The following UBE2E1 variants were observed in gnomAD, a reference collection of about 807,000 sequenced individuals.
UBE2E1 encodes the protein ubiquitin conjugating enzyme E2 E1.
UBE2E1 carries 6 observed loss-of-function variants against 21.4 expected under a neutral mutation model. The observed-to-expected ratio is 0.28, with a 90% CI of 0.15 to 0.55. The LOEUF (loss-of-function observed/expected upper bound fraction) is 0.55. Ranked by LOEUF, UBE2E1 falls within the 20% of genes least tolerant of loss-of-function variation. The probability of loss-of-function intolerance (pLI) is 0.93; values close to 1 mark genes in which losing one functional copy is unlikely to be tolerated. For missense variants in UBE2E1, 142 were observed against 236.5 expected (o/e 0.60, Z 2.62); for synonymous variants, 87 against 82.7 (o/e 1.05, Z -0.28).
intron 3 of UBE2E1, among the ~76,000 whole-genome samples, chr3:23,833,652 C>G (rs1279785319): frequency 6.6e-6 from 1 of 152,132 alleles, no homozygotes; most frequent in African/African-American, 2.4e-5. Context: ...ATGTTGTTGT[C>G]TATGTAAAGA....
At position 23,808,165 on chromosome 3, in the gene UBE2E1, C is replaced by A. The variant is rs577144266; in HGVS notation, c.152+744C>A. The stretch of plus-strand genomic sequence containing the variant: ...TAAGTGGTCTCCCTTTTACTTTATT[C>A]TTTTCCTCTTAAGGCCCTGAAGGTA... On this transcript the variant is annotated intron_variant, in intron 2 of 5. Transcript: ENST00000306627. This position sits in a 1 kb window ranked among gnomAD's most constrained non-coding sequence, Gnocchi z 4.9. Among the ~76,000 whole-genome samples, 2 of 152,126 alleles carry A rather than the reference C, an allele frequency of 1.3e-5. No homozygotes were observed. The highest frequency in any genetic ancestry group is 2.1e-4 in the South Asian group (1 of 4,814).
intron 3 of UBE2E1, chr3:23,879,189 C>T (rs1700982017): frequency 1.2e-6 from 1 of 856,382 alleles, no homozygotes; most frequent in Non-Finnish European, 1.8e-6. Flanking sequence ...CATCCTTCCA[C>T]ATCTAGAGTC....
chr3:23,811,127 G>C (rs1040526122), intron 2 of UBE2E1: 1 of 355,766 alleles, frequency 2.8e-6, no homozygotes, highest in Non-Finnish European at 5.2e-6. Flanking sequence ...AGAGGTGCAG[G>C]GGAGGGACTG....
intron 3 of UBE2E1, among the ~76,000 whole-genome samples, chr3:23,854,671 G>T (rs918711795): frequency 1.3e-5 from 2 of 152,180 alleles, no homozygotes; most frequent in South Asian, 2.1e-4. Context: ...AATACATTAG[G>T]CTCTGTCTTA....
Position 23,890,660 on chromosome 3 carries a change from A to G in UBE2E1, c.*54A>G, listed in dbSNP as rs930664130. On this transcript the variant is annotated 3_prime_UTR_variant, in exon 6 of 6. Transcript: ENST00000306627. ...TGTCTGTCACAGAAGAGAGCTGCTT[A>G]TGATTTTGAAGGGGTCAGGGAGGGT... 6 of 1,180,812 alleles carry G rather than the reference A, an allele frequency of 5.1e-6. No individual in the cohort carries two copies. The highest frequency in any genetic ancestry group is 7.3e-6 in the Non-Finnish European group (6 of 824,292). The allele number at this position is 1,180,812 out of a possible 1,614,324, so 73.1% of individuals were successfully genotyped here.
intron 3 of UBE2E1, among the ~76,000 whole-genome samples, chr3:23,821,634 G>T (rs568128366): frequency 1.3e-5 from 2 of 152,286 alleles, no homozygotes; most frequent in East Asian, 1.9e-4. Context: ...CCTGTTGTTG[G>T]ATTGCATGTG....
In UBE2E1 at chr3:23,810,176, C is replaced by T. The variant is rs550799523; in HGVS notation, c.153-1284C>T. On this transcript the variant is annotated intron_variant, in intron 2 of 5. Transcript: ENST00000306627. This position sits in a 1 kb window ranked among gnomAD's most constrained non-coding sequence, Gnocchi z 5.8. ...AATTTTTTTAACTACAGTGCTGCCT[C>T]GGTGAGATTTTTAAGTTGTAACATA... Among the ~76,000 whole-genome samples, 5 of 152,204 alleles carry T rather than the reference C, an allele frequency of 3.3e-5. No homozygotes were observed. In the East Asian group the frequency reaches 9.6e-4, roughly 29 times the overall value.
intron 3 of UBE2E1, among the ~76,000 whole-genome samples, chr3:23,850,177 A>T (rs1700292364): frequency 6.6e-6 from 1 of 152,058 alleles, no homozygotes; most frequent in Non-Finnish European, 1.5e-5. Flanking sequence ...CTAATATATC[A>T]ATCTATTAAG....
intron 3 of UBE2E1, among the ~76,000 whole-genome samples, chr3:23,859,743 A>C (rs937884167): frequency 2.0e-5 from 3 of 152,188 alleles, no homozygotes; most frequent in Non-Finnish European, 4.4e-5. Context: ...TGCCTTACCC[A>C]GTTCATTGAG....
In UBE2E1 at chr3:23,810,544, C is replaced by T; in HGVS notation, c.153-916C>T. ...GGAAAAGCAGGTCCGGGGAGGTGGG[C>T]CGAGAGTCCCGGCCAGCGTGCGGGG... On this transcript the variant is annotated intron_variant, in intron 2 of 5. Transcript: ENST00000306627. The surrounding 1 kb of genome is among the most constrained non-coding windows in gnomAD (Gnocchi z 5.8). The T allele has an allele frequency of 6.5e-7, 1 of 1,532,314 alleles. No individual in the cohort carries two copies. Among genetic ancestry groups the T allele is most frequent in the Non-Finnish European group, 8.7e-7 (1 of 1,144,682 alleles). 94.9% of individuals were successfully genotyped at this position (1,532,314 alleles called of 1,614,324 possible). A position where few individuals can be genotyped will look rare whatever the true frequency, so the allele number is the denominator to read the frequency against.
rs1701273536 is a variant in UBE2E1 at position 23,888,987 on chromosome 3, T to G, written c.337-125T>G. 4.2e-6 allele frequency: 4 copies of G among 943,142 alleles called. No homozygotes were observed. In the South Asian group the frequency reaches 5.7e-5, roughly 13 times the overall value. The allele number at this position is 943,142 out of a possible 1,614,324, so 58.4% of individuals were successfully genotyped here. A position where few individuals can be genotyped will look rare whatever the true frequency, so the allele number is the denominator to read the frequency against. On this transcript the variant is annotated intron_variant, in intron 4 of 5. Transcript: ENST00000306627. ...ATGAACACTTTCTAATCAAATTTAT[T>G]GTCTATCTTCTTGACAGCTTTAATT...
chr3:23,836,403 T>G lies in UBE2E1; in HGVS notation c.203+24893T>G, dbSNP rs1050522215. Among the ~76,000 whole-genome samples, 3 of 152,198 alleles carry G rather than the reference T, an allele frequency of 2.0e-5. No individual in the cohort carries two copies. The highest frequency in any genetic ancestry group is 7.2e-5 in the African/African-American group (3 of 41,448). ...GTCTTCCACATGCCATGTGCTGTAC[T>G]GGGGAAGACATAAACAGGAGAGACT... On this transcript the variant is annotated intron_variant, in intron 3 of 5. Transcript: ENST00000306627. The surrounding 1 kb of genome is among the most constrained non-coding windows in gnomAD (Gnocchi z 4.1).
chr3:23,830,527 G>C (rs575118331), intron 3 of UBE2E1, among the ~76,000 whole-genome samples: 6 of 151,724 alleles, frequency 4.0e-5, no homozygotes, highest in Non-Finnish European at 8.8e-5. Context: ...AGGAAGAGCA[G>C]TGTGACTCAA....
intron 3 of UBE2E1, among the ~76,000 whole-genome samples, chr3:23,874,942 C>T (rs184502362): frequency 7.1e-4 from 108 of 152,260 alleles, no homozygotes; most frequent in African/African-American, 2.4e-3. Context: ...AGGGAAAGTG[C>T]GGTTCCTTAG....
intron 3 of UBE2E1, among the ~76,000 whole-genome samples, chr3:23,843,370 A>G (rs1700133886): frequency 6.6e-6 from 1 of 152,214 alleles, no homozygotes; most frequent in Non-Finnish European, 1.5e-5. Flanking sequence ...AGTCAGGACC[A>G]TTGAGTTGCA....
chr3:23,859,816 C>T (rs748688975), intron 3 of UBE2E1, among the ~76,000 whole-genome samples: 1 of 152,174 alleles, frequency 6.6e-6, no homozygotes, highest in Non-Finnish European at 1.5e-5. Context: ...GCCCATCCAG[C>T]AGGCAAAATT....
chr3:23,832,341 A>G (rs2125294643), intron 3 of UBE2E1, among the ~76,000 whole-genome samples: 1 of 152,316 alleles, frequency 6.6e-6, no homozygotes, highest in South Asian at 2.1e-4. Context: ...AGACCTGTAA[A>G]GAAAAATATA....
Position 23,808,747 on chromosome 3 carries a change from G to C in UBE2E1, c.152+1326G>C, listed in dbSNP as rs531135312. The C allele has an allele frequency of 6.6e-6, 1 of 152,354 alleles. No individual in the cohort carries two copies. The highest frequency in any genetic ancestry group is 2.1e-4 in the South Asian group (1 of 4,818). The allele number at this position is 152,354 out of a possible 1,614,324, so 9.4% of individuals were successfully genotyped here. ...AGGCCTGACTGACCCTCACTGATTA[G>C]CCCTGTGCGGTTTTCCTGGAACCTG... On this transcript the variant is annotated intron_variant, in intron 2 of 5. Coordinates refer to ENST00000306627, the MANE Select transcript of UBE2E1 (RefSeq NM_003341.5). This position sits in a 1 kb window ranked among gnomAD's most constrained non-coding sequence, Gnocchi z 4.9.
At chr3:23,880,228 C>T (rs1044367771) in intron 3 of UBE2E1, among the ~76,000 whole-genome samples, 12 of 152,136 alleles carry the variant, frequency 7.9e-5, no homozygotes, top group Non-Finnish European at 1.8e-4. Context: ...ACTAAAAATA[C>T]AAAAATTAGC....
Sources: gnomAD v4.1 joint callset for allele counts (sites outside exome capture counted in the v4.1 genomes callset) on GRCh38, gnomAD v4.1.1 for gene constraint, Gnocchi (gnomAD v3.1) non-coding constraint, MANE v1.5 for transcripts, NCBI Gene and HGNC (gene_info 2026-07-23, HGNC 2026-07-21) for gene names.